The following TYR variants were observed in gnomAD, a reference collection of about 807,000 sequenced individuals.
TYR encodes tyrosinase.
Under a neutral mutation model 51.5 loss-of-function variants are expected in TYR, and 58 were observed. The ratio of observed to expected loss-of-function variants is 1.13; its 90% confidence interval spans 0.91 to 1.40. TYR has a LOEUF of 1.40. Among genes scored for constraint, TYR ranks in the 40% most tolerant of loss-of-function variants. TYR has a pLI of 0.00. For synonymous variants in TYR, 263 were observed against 235.2 expected (o/e 1.12, Z -1.08); for missense variants, 732 against 647.4 (o/e 1.13, Z -1.42).
At chr11:89,185,688 C>T (rs1490155000) in intron 1 of TYR, among the ~76,000 whole-genome samples, 4 of 152,122 alleles carry the variant, frequency 2.6e-5, no homozygotes, top group African/African-American at 4.8e-5. Context: ...CAGTCAATGA[C>T]GGCAGGGTGG....
chr11:89,280,110 G>A (rs769119572), intron 3 of TYR, among the ~76,000 whole-genome samples: 1 of 151,448 alleles, frequency 6.6e-6, no homozygotes, highest in Non-Finnish European at 1.5e-5. Context: ...TAACATTGTG[G>A]GTGGTTGTCG....
At chr11:89,209,586 G>A (rs1198906798) in intron 2 of TYR, among the ~76,000 whole-genome samples, 1 of 152,194 alleles carries the variant, frequency 6.6e-6, no homozygotes, top group African/African-American at 2.4e-5. Context: ...GTCCTTGTCT[G>A]ACAGCTCTGA....
intron 2 of TYR, among the ~76,000 whole-genome samples, chr11:89,193,732 G>C (rs867149705): frequency 6.6e-6 from 1 of 151,908 alleles, no homozygotes; most frequent in Non-Finnish European, 1.5e-5. Context: ...TTCTTTACCA[G>C]GTACACATTT....
At chr11:89,191,158 C>A in intron 1 of TYR, 44 bp from the exon 2 acceptor site, 1 of 1,573,432 alleles carries the variant, frequency 6.4e-7, no homozygotes, top group Non-Finnish European at 8.7e-7. Context: ...CCTACTGACT[C>A]AGTGGTGGTG....
At chr11:89,254,668 T>C (rs562094547) in intron 3 of TYR, among the ~76,000 whole-genome samples, 3 of 152,064 alleles carry the variant, frequency 2.0e-5, no homozygotes, top group African/African-American at 7.2e-5. Flanking sequence ...TCAGTTGTAA[T>C]ATCTCCCATT....
At chr11:89,192,604 A>C (rs558702744) in intron 2 of TYR, among the ~76,000 whole-genome samples, 58 of 152,222 alleles carry the variant, frequency 3.8e-4, no homozygotes, top group African/African-American at 1.3e-3. Context: ...TCAAAACCAT[A>C]ATCTCAGGGT....
chr11:89,272,593 G>C (rs1944601954), intron 3 of TYR, among the ~76,000 whole-genome samples: 1 of 151,878 alleles, frequency 6.6e-6, no homozygotes, highest in Non-Finnish European at 1.5e-5. Context: ...AAACTAACCA[G>C]CTGCATTAGC....
At chr11:89,250,344 T>C (rs1450145100) in intron 3 of TYR, among the ~76,000 whole-genome samples, 1 of 151,962 alleles carries the variant, frequency 6.6e-6, no homozygotes, top group Non-Finnish European at 1.5e-5. Context: ...ATTAAATAAT[T>C]CGCCCAAAGT....
chr11:89,230,406 G>A (rs1944031853), intron 3 of TYR, among the ~76,000 whole-genome samples: 2 of 152,054 alleles, frequency 1.3e-5, no homozygotes, highest in Admixed American at 6.6e-5. Context: ...TTAAATATAG[G>A]GATTAGAAAT....
At chr11:89,223,521 G>A (rs141048329) in intron 2 of TYR, among the ~76,000 whole-genome samples, 116 of 152,224 alleles carry the variant, frequency 7.6e-4, no homozygotes, top group Non-Finnish European at 1.4e-3. Flanking sequence ...CACTTGACAG[G>A]TGCCAGAGTA....
At position 89,256,407 on chromosome 11, in the gene TYR, G is replaced by A. The variant is rs1344802274; in HGVS notation, c.1185-28366G>A. 4.0e-5 allele frequency among the ~76,000 whole-genome samples: 6 copies of A among 151,472 alleles called. 1 individual carries two copies. The highest frequency in any genetic ancestry group is 1.5e-4 in the African/African-American group (6 of 41,318). On this transcript the variant is annotated intron_variant, in intron 3 of 4. Transcript: ENST00000263321. Reference sequence around the variant, plus strand: ...TAACCCACATTCGACTAGCTATAAAGAACTTTGTTTTCTATAGTTTTATAC... The same window carrying A: ...TAACCCACATTCGACTAGCTATAAAAAACTTTGTTTTCTATAGTTTTATAC...
intron 2 of TYR, among the ~76,000 whole-genome samples, chr11:89,197,785 A>G (rs956605998): frequency 2.0e-5 from 3 of 152,172 alleles, no homozygotes; most frequent in African/African-American, 7.2e-5. Context: ...TGATTCTGAC[A>G]CATCTGTGAT....
intron 3 of TYR, among the ~76,000 whole-genome samples, chr11:89,247,153 T>A (rs573892339): frequency 6.6e-6 from 1 of 152,188 alleles, no homozygotes; most frequent in Non-Finnish European, 1.5e-5. Flanking sequence ...TTTGATGTTA[T>A]TGTTAGATTT....
chr11:89,185,921 A>G (rs2135248365), intron 1 of TYR, among the ~76,000 whole-genome samples: 1 of 152,320 alleles, frequency 6.6e-6, no homozygotes, highest in East Asian at 1.9e-4. Context: ...AACTACAAGA[A>G]AAATAATTTG....
chr11:89,180,127 G>T (rs1943282231), intron 1 of TYR, among the ~76,000 whole-genome samples: 1 of 152,114 alleles, frequency 6.6e-6, no homozygotes, highest in African/African-American at 2.4e-5. Context: ...AAATGTAATG[G>T]GTTTTGTGCA....
intron 2 of TYR, among the ~76,000 whole-genome samples, chr11:89,216,626 C>T (rs1271420365): frequency 8.0e-6 from 1 of 124,782 alleles, no homozygotes; most frequent in Admixed American, 9.4e-5. Context: ...GCACTCCAGC[C>T]TGGATGGAGT....
At chr11:89,206,322 T>A (rs144646453) in intron 2 of TYR, among the ~76,000 whole-genome samples, 1 of 152,146 alleles carries the variant, frequency 6.6e-6, no homozygotes, top group East Asian at 1.9e-4. Flanking sequence ...AAAACATTAA[T>A]CAAAACAAAG....
chr11:89,227,690 C>T (rs556997125), intron 2 of TYR, 133 bp from the exon 3 acceptor site: 37 of 802,322 alleles, frequency 4.6e-5, no homozygotes, highest in East Asian at 4.3e-4. Context: ...AGTCTCAATA[C>T]GGAATGAATT....
Position 89,178,418 on chromosome 11 carries a change from C to A in TYR, c.465C>A (p.Thr155=), listed in dbSNP as rs775182073. The stretch of plus-strand genomic sequence containing the variant: ...CAGACTATGTCATCCCCATAGGGAC[C>A]TATGGCCAAATGAAAAATGGATCAA... ...ISSDYVIPIG[T]YGQMKNGSTP... is the part of the protein sequence containing the mutation. The change falls in exon 1 of 5, where the codon ACC becomes ACA. Residue 155 remains threonine (T), a synonymous_variant. Coordinates refer to ENST00000263321, the MANE Select transcript of TYR (RefSeq NM_000372.5). 1.6e-5 allele frequency: 26 copies of A among 1,613,984 alleles called. No homozygotes were observed. In the Admixed American group the frequency reaches 1.8e-4, roughly 11 times the overall value.
Sources: allele counts gnomAD v4.1 joint callset (sites outside exome capture counted in the v4.1 genomes callset), GRCh38; gene constraint gnomAD v4.1.1; transcripts MANE v1.5; gene names NCBI Gene and HGNC (gene_info 2026-07-23, HGNC 2026-07-21).